The following HCN1 variants were observed in gnomAD, a reference collection of about 807,000 sequenced individuals.
The protein encoded by HCN1 is hyperpolarization activated cyclic nucleotide gated potassium channel 1.
A neutral mutation model predicts 78.9 loss-of-function variants in HCN1; 13 were observed. That is an observed-to-expected ratio of 0.16 (90% CI 0.11 to 0.26). The LOEUF is 0.26. Ranked by LOEUF, HCN1 falls within the 10% of genes least tolerant of loss-of-function variation. The pLI, the probability that HCN1 is intolerant of heterozygous loss-of-function variation, is 1.00. For synonymous variants in HCN1, 552 were observed against 455.5 expected (o/e 1.21, Z -2.70); for missense variants, 810 against 1,154.3 (o/e 0.70, Z 4.32).
chr5:45,274,487 T>TA (rs927631054), intron 6 of HCN1, among the ~76,000 whole-genome samples: 2 of 152,172 alleles, frequency 1.3e-5, no homozygotes, highest in African/African-American at 4.8e-5. Flanking sequence ...ACAGTGCCTG[T>TA]AAAAGAGTGC....
At chr5:45,611,047 A>C (rs1744823311) in intron 2 of HCN1, among the ~76,000 whole-genome samples, 1 of 132,134 alleles carries the variant, frequency 7.6e-6, no homozygotes, top group African/African-American at 3.1e-5. Context: ...TCCTACTATT[A>C]AATTCTTTTC....
chr5:45,472,044 G>A (rs1741402571), intron 2 of HCN1, among the ~76,000 whole-genome samples: 2 of 151,746 alleles, frequency 1.3e-5, no homozygotes, highest in African/African-American at 4.8e-5. Context: ...TTCTTGGCCT[G>A]GCATTAAAGG....
intron 1 of HCN1, among the ~76,000 whole-genome samples, chr5:45,650,311 G>A (rs559076813): frequency 2.1e-4 from 32 of 152,058 alleles, no homozygotes; most frequent in African/African-American, 7.2e-4. Flanking sequence ...TGATAGCTTC[G>A]GAATTCTATC....
At chr5:45,335,672 C>T (rs950355875) in intron 5 of HCN1, among the ~76,000 whole-genome samples, 5 of 152,066 alleles carry the variant, frequency 3.3e-5, no homozygotes, top group Admixed American at 1.3e-4. Flanking sequence ...GAGCTCTATC[C>T]TATTTTTCAC....
At chr5:45,296,086 T>G (rs1228107903) in intron 6 of HCN1, among the ~76,000 whole-genome samples, 1 of 152,010 alleles carries the variant, frequency 6.6e-6, no homozygotes, top group Admixed American at 6.6e-5. Context: ...CATGTCATCA[T>G]AGTGAAAATA....
At chr5:45,516,247 C>A (rs1321660760) in intron 2 of HCN1, among the ~76,000 whole-genome samples, 2 of 151,936 alleles carry the variant, frequency 1.3e-5, no homozygotes, top group Admixed American at 6.6e-5. Flanking sequence ...TAGCCCTTAC[C>A]TCCCTGTTTA....
chr5:45,391,267 CA>C (rs1739556049), intron 4 of HCN1, among the ~76,000 whole-genome samples: 1 of 152,078 alleles, frequency 6.6e-6, no homozygotes, highest in Admixed American at 6.6e-5. Context: ...GGTATCAAAA[CA>C]TTTTTTATTT....
At chr5:45,543,606 C>A (rs1283008282) in intron 2 of HCN1, among the ~76,000 whole-genome samples, 4 of 151,972 alleles carry the variant, frequency 2.6e-5, no homozygotes, top group Non-Finnish European at 4.4e-5. Context: ...CTAAATAATC[C>A]TCCAGATGTA....
chr5:45,379,854 A>G (rs1353469205), intron 4 of HCN1, among the ~76,000 whole-genome samples: 2 of 152,048 alleles, frequency 1.3e-5, no homozygotes, highest in East Asian at 3.9e-4. Flanking sequence ...TGACTCTTTA[A>G]TGGGTAAAGA....
intron 3 of HCN1, among the ~76,000 whole-genome samples, chr5:45,446,463 G>C (rs1740798904): frequency 6.6e-6 from 1 of 152,110 alleles, no homozygotes; most frequent in Admixed American, 6.5e-5. Flanking sequence ...AAAACACTCT[G>C]CAGGATATTA....
At chr5:45,460,360 C>T (rs943314642) in intron 3 of HCN1, among the ~76,000 whole-genome samples, 10 of 152,022 alleles carry the variant, frequency 6.6e-5, no homozygotes, top group Admixed American at 3.9e-4. Flanking sequence ...AGAAATTGAA[C>T]GTGCTGGCAC....
At chr5:45,431,663 T>A in intron 3 of HCN1, among the ~76,000 whole-genome samples, 1 of 152,206 alleles carries the variant, frequency 6.6e-6, no homozygotes, top group Non-Finnish European at 1.5e-5. Flanking sequence ...GCTAACCAAT[T>A]ATCCCCAAAC....
At chr5:45,511,846 C>T (rs563308361) in intron 2 of HCN1, among the ~76,000 whole-genome samples, 9 of 151,870 alleles carry the variant, frequency 5.9e-5, no homozygotes, top group African/African-American at 9.7e-5. Flanking sequence ...TTCGTTAGTT[C>T]GTCAGATGTA....
intron 2 of HCN1, among the ~76,000 whole-genome samples, chr5:45,584,441 T>A (rs1440463756): frequency 3.9e-5 from 6 of 152,150 alleles, no homozygotes; most frequent in Non-Finnish European, 8.8e-5. Context: ...GTGAGATGGG[T>A]TTCCTGAATA....
chr5:45,379,116 T>C (rs1747751561), intron 4 of HCN1, among the ~76,000 whole-genome samples: 1 of 152,264 alleles, frequency 6.6e-6, no homozygotes, highest in African/African-American at 2.4e-5. Flanking sequence ...GCATGATTTA[T>C]AATCCTTTGG....
At chr5:45,374,171 A>T (rs111206618) in intron 4 of HCN1, among the ~76,000 whole-genome samples, 1,276 of 86,536 alleles carry the variant, frequency 0.015, 9 homozygotes, top group Middle Eastern at 0.018. Flanking sequence ...TATATACATA[A>T]TATATATTAT....
At chr5:45,525,318 A>G (rs1053911429) in intron 2 of HCN1, among the ~76,000 whole-genome samples, 2 of 152,038 alleles carry the variant, frequency 1.3e-5, no homozygotes, top group Admixed American at 6.6e-5. Context: ...AAAAGCAAAC[A>G]TACAAAGTAT....
intron 3 of HCN1, among the ~76,000 whole-genome samples, chr5:45,440,462 C>T (rs527413392): frequency 7.9e-5 from 12 of 152,156 alleles, no homozygotes; most frequent in Non-Finnish European, 1.8e-4. Context: ...AACTCATGCC[C>T]CTCTTGTGAC....
rs1040829114 is a variant in HCN1 at position 45,524,871 on chromosome 5, C to T, written c.850-62864G>A. 3.9e-4 allele frequency among the ~76,000 whole-genome samples: 59 copies of T among 152,136 alleles called. 2 individuals carry two copies. ...TATTTCCTTCTCCTGTCCAATTGCC[C>T]TGGCCAGAACTTCCAACACTATGTT... On this transcript the variant is annotated intron_variant, in intron 2 of 7. Coordinates refer to ENST00000303230, the MANE Select transcript of HCN1 (RefSeq NM_021072.4).
Sources: gnomAD v4.1 joint callset for allele counts (sites outside exome capture counted in the v4.1 genomes callset) on GRCh38, gnomAD v4.1.1 for gene constraint, MANE v1.5 for transcripts, NCBI Gene and HGNC (gene_info 2026-07-23, HGNC 2026-07-21) for gene names.